The following FOXD4L6 variants were observed in gnomAD, a reference collection of about 807,000 sequenced individuals.
FOXD4L6 encodes forkhead box protein D4-like 6.
FOXD4L6 carries 1 observed loss-of-function variant against 12.9 expected under a neutral mutation model. That is an observed-to-expected ratio of 0.08 (90% confidence interval 0.03 to 0.37). The LOEUF is 0.37. FOXD4L6 is among the 10% of genes least tolerant of loss of function. The pLI is 0.99. For missense variants in FOXD4L6, 23 were observed against 369.9 expected (o/e 0.06, Z 7.69); for synonymous variants, 10 against 164.7 (o/e 0.06, Z 7.19).
chr9:41,127,542 GC>G, the FOXD4L6 span: 1 of 1,565,330 alleles, frequency 6.4e-7, no homozygotes. Flanking sequence ...TTTCTTCGGT[GC>G]CCCGGCATAG....
chr9:41,127,942 T>TG, the FOXD4L6 span: 31 of 627,996 alleles, frequency 4.9e-5, no homozygotes, highest in Admixed American at 1.1e-3. Context: ...GCGGGGAACT[T>TG]GCGGCGGTAG....
Position 41,126,956 on chromosome 9 carries a change from G to T in FOXD4L6, c.*174C>A. The T allele has an allele frequency of 6.5e-7, 1 of 1,528,402 alleles. No individual in the cohort carries two copies. Among genetic ancestry groups the T allele is most frequent in the East Asian group, 2.3e-5 (1 of 43,944 alleles). The allele number at this position is 1,528,402 out of a possible 1,614,324, so 94.7% of individuals were successfully genotyped here. ...ACACGCCCTGAATGGGCCGCGCAAG[G>T]TGAAGTGAGCAGCTGCGGGTCGCTC... On this transcript the variant is annotated 3_prime_UTR_variant, in exon 1 of 1. Coordinates refer to ENST00000622588, the MANE Select transcript of FOXD4L6 (RefSeq NM_001085476.4).
At chr9:41,128,078 ATCTTCAG>A in the FOXD4L6 span, 3 of 358,312 alleles carry the variant, frequency 8.4e-6, no homozygotes, top group African/African-American at 1.0e-4. Flanking sequence ...GCTGCCGGGC[ATCTTCAG>A]AGGCCGCCGC....
Position 41,126,854 on chromosome 9 carries a change from C to A in FOXD4L6, c.*276G>T, listed in dbSNP as rs1404257717. On this transcript the variant is annotated 3_prime_UTR_variant, in exon 1 of 1. Coordinates refer to ENST00000622588, the MANE Select transcript of FOXD4L6 (RefSeq NM_001085476.4). ...TACGTTCAGGTGGTTTTTAGAGGAA[C>A]GTAATCCAGCTGTTTCTTTCTAACC... 21 of 613,810 alleles carry A rather than the reference C, an allele frequency of 3.4e-5. No homozygotes were observed. The highest frequency in any genetic ancestry group is 2.4e-4 in the African/African-American group (12 of 51,028). 38.0% of individuals were successfully genotyped at this position (613,810 alleles called of 1,614,324 possible). A position where few individuals can be genotyped will look rare whatever the true frequency, so the allele number is the denominator to read the frequency against.
At chr9:41,127,553 G>GA in the FOXD4L6 span, 4 of 1,579,422 alleles carry the variant, frequency 2.5e-6, no homozygotes, top group African/African-American at 5.8e-5. Context: ...CCCCGGCATA[G>GA]ACGGGGGCCG....
At position 41,126,832 on chromosome 9, in the gene FOXD4L6, G is replaced by A. The variant is rs1470739566; in HGVS notation, c.*298C>T. 3.5e-6 allele frequency: 2 copies of A among 568,142 alleles called. No homozygotes were observed. Among genetic ancestry groups the A allele is most frequent in the Non-Finnish European group, 6.3e-6 (2 of 316,156 alleles). The allele number at this position is 568,142 out of a possible 1,614,324, so 35.2% of individuals were successfully genotyped here. On this transcript the variant is annotated 3_prime_UTR_variant, in exon 1 of 1. Transcript: ENST00000622588. ...TGACTTGACGCCCTGCGAAGGTTAC[G>A]TTCAGGTGGTTTTTAGAGGAACGTA...
Position 41,126,847 on chromosome 9 carries a change from A to T in FOXD4L6, c.*283T>A. 3 of 599,774 alleles carry T rather than the reference A, an allele frequency of 5.0e-6. No homozygotes were observed. The South Asian group carries it at 6.3e-5, about 13-fold the overall frequency. 37.2% of individuals were successfully genotyped at this position (599,774 alleles called of 1,614,324 possible). On this transcript the variant is annotated 3_prime_UTR_variant, in exon 1 of 1. Transcript: ENST00000622588. ...CGAAGGTTACGTTCAGGTGGTTTTTAGAGGAACGTAATCCAGCTGTTTCTT... is the reference window on the plus strand; with the variant it reads ...CGAAGGTTACGTTCAGGTGGTTTTTTGAGGAACGTAATCCAGCTGTTTCTT...
In FOXD4L6 at chr9:41,126,934, C is replaced by A. The variant is rs1248515313; in HGVS notation, c.*196G>T. On this transcript the variant is annotated 3_prime_UTR_variant, in exon 1 of 1. Transcript: ENST00000622588. ...CTCTCCAGCGGGATTCAGATGCACA[C>A]GCCCTGAATGGGCCGCGCAAGGTGA... 2 of 1,508,674 alleles carry A rather than the reference C, an allele frequency of 1.3e-6. No homozygotes were observed. The highest frequency in any genetic ancestry group is 1.4e-5 in the African/African-American group (1 of 71,004). 93.5% of individuals were successfully genotyped at this position (1,508,674 alleles called of 1,614,324 possible).
chr9:41,126,996 G>T lies in FOXD4L6; in HGVS notation c.*134C>A, dbSNP rs367749846. The T allele has an allele frequency of 1.2e-3, 1,867 of 1,515,398 alleles. 63 individuals are homozygous for T. The highest frequency in any genetic ancestry group is 5.3e-3 in the South Asian group (399 of 75,502). 93.9% of individuals were successfully genotyped at this position (1,515,398 alleles called of 1,614,324 possible). A position where few individuals can be genotyped will look rare whatever the true frequency, so the allele number is the denominator to read the frequency against. ...GCGGGTCGCTCCCCACTCCCACCTG[G>T]CTCTAGGAGGGCCCTGCGGAGTTGG... On this transcript the variant is annotated 3_prime_UTR_variant, in exon 1 of 1. Transcript: ENST00000622588.
Position 41,126,483 on chromosome 9 carries a change from C to T in FOXD4L6, c.*647G>A. 1 of 47,458 alleles carries T rather than the reference C, an allele frequency of 2.1e-5. No homozygotes were observed. The highest frequency in any genetic ancestry group is 4.7e-5 in the Non-Finnish European group (1 of 21,230). 2.9% of individuals were successfully genotyped at this position (47,458 alleles called of 1,614,324 possible). On this transcript the variant is annotated 3_prime_UTR_variant, in exon 1 of 1. Transcript: ENST00000622588. Reference sequence around the variant, plus strand: ...TCTATATAACTAGGCTTAATTTTAACACCTTAATTTTAACATTAAAGATGG... The same window carrying T: ...TCTATATAACTAGGCTTAATTTTAATACCTTAATTTTAACATTAAAGATGG...
At position 41,126,950 on chromosome 9, in the gene FOXD4L6, C is replaced by A. The variant is rs1824933095; in HGVS notation, c.*180G>T. The A allele has an allele frequency of 1.3e-6, 2 of 1,525,174 alleles. No individual in the cohort carries two copies. Among genetic ancestry groups the A allele is most frequent in the Non-Finnish European group, 1.8e-6 (2 of 1,139,742 alleles). 94.5% of individuals were successfully genotyped at this position (1,525,174 alleles called of 1,614,324 possible). On this transcript the variant is annotated 3_prime_UTR_variant, in exon 1 of 1. Coordinates refer to ENST00000622588, the MANE Select transcript of FOXD4L6 (RefSeq NM_001085476.4). ...AGATGCACACGCCCTGAATGGGCCG[C>A]GCAAGGTGAAGTGAGCAGCTGCGGG...
rs1429652608 is a variant in FOXD4L6 at position 41,126,951 on chromosome 9, G to A, written c.*179C>T. The stretch of plus-strand genomic sequence containing the variant: ...GATGCACACGCCCTGAATGGGCCGC[G>A]CAAGGTGAAGTGAGCAGCTGCGGGT... On this transcript the variant is annotated 3_prime_UTR_variant, in exon 1 of 1. Transcript: ENST00000622588. 1.3e-6 allele frequency: 2 copies of A among 1,524,898 alleles called. No individual in the cohort carries two copies. Among genetic ancestry groups the A allele is most frequent in the Non-Finnish European group, 1.8e-6 (2 of 1,139,676 alleles). 94.5% of individuals were successfully genotyped at this position (1,524,898 alleles called of 1,614,324 possible).
At position 41,127,284 on chromosome 9, in the gene FOXD4L6, G is replaced by A. The variant is rs1300813083; in HGVS notation, c.1100C>T (p.Pro367Leu). 2 of 1,606,096 alleles carry A rather than the reference G, an allele frequency of 1.2e-6. No homozygotes were observed. The highest frequency in any genetic ancestry group is 2.2e-5 in the South Asian group (2 of 90,746). The stretch of plus-strand genomic sequence containing the variant: ...CGGACACTTGCAGCAAAGGGGCAGC[G>A]GTCTGGGGATGCAACAGGCTTGATG... ...SDHQACCIPR[P>L]LPLCCKCPPP... The change falls in exon 1 of 1, where the codon CCG becomes CTG. Residue 367 changes from proline (P) to leucine (L), a missense_variant. Physicochemically the swap from Pro to Leu is moderately conservative, Grantham distance 98 (BLOSUM62 -3). Coordinates refer to ENST00000622588, the MANE Select transcript of FOXD4L6 (RefSeq NM_001085476.4).
In FOXD4L6 at chr9:41,126,878, C is replaced by G; in HGVS notation, c.*252G>C. 3 of 775,988 alleles carry G rather than the reference C, an allele frequency of 3.9e-6. No individual in the cohort carries two copies. The highest frequency in any genetic ancestry group is 6.4e-6 in the Non-Finnish European group (3 of 469,636). 48.1% of individuals were successfully genotyped at this position (775,988 alleles called of 1,614,324 possible). On this transcript the variant is annotated 3_prime_UTR_variant, in exon 1 of 1. Coordinates refer to ENST00000622588, the MANE Select transcript of FOXD4L6 (RefSeq NM_001085476.4). ...ACGTAATCCAGCTGTTTCTTTCTAACCATTTTGCAGCGAACAGAAGTTCGT... is the reference window on the plus strand; with the variant it reads ...ACGTAATCCAGCTGTTTCTTTCTAAGCATTTTGCAGCGAACAGAAGTTCGT...
chr9:41,126,966 C>A lies in FOXD4L6; in HGVS notation c.*164G>T, dbSNP rs888702760. The A allele has an allele frequency of 1.7e-5, 26 of 1,526,708 alleles. 3 individuals carry two copies. The South Asian group carries it at 2.3e-4, about 14-fold the overall frequency. 94.6% of individuals were successfully genotyped at this position (1,526,708 alleles called of 1,614,324 possible). ...AATGGGCCGCGCAAGGTGAAGTGAG[C>A]AGCTGCGGGTCGCTCCCCACTCCCA... On this transcript the variant is annotated 3_prime_UTR_variant, in exon 1 of 1. Coordinates refer to ENST00000622588, the MANE Select transcript of FOXD4L6 (RefSeq NM_001085476.4).
the FOXD4L6 span, chr9:41,127,569 AG>A: frequency 1.9e-6 from 3 of 1,577,830 alleles, no homozygotes; most frequent in Non-Finnish European, 2.6e-6. Flanking sequence ...GGCCGAGAGC[AG>A]TAGGTAGCGA....
Position 41,126,950 on chromosome 9 carries a change from C to T in FOXD4L6, c.*180G>A. Reference sequence around the variant, plus strand: ...AGATGCACACGCCCTGAATGGGCCGCGCAAGGTGAAGTGAGCAGCTGCGGG... The same window carrying T: ...AGATGCACACGCCCTGAATGGGCCGTGCAAGGTGAAGTGAGCAGCTGCGGG... On this transcript the variant is annotated 3_prime_UTR_variant, in exon 1 of 1. Transcript: ENST00000622588. The T allele has an allele frequency of 2.0e-6, 3 of 1,525,174 alleles. No homozygotes were observed. The South Asian group carries it at 3.9e-5, about 20-fold the overall frequency. The allele number at this position is 1,525,174 out of a possible 1,614,324, so 94.5% of individuals were successfully genotyped here. A position where few individuals can be genotyped will look rare whatever the true frequency, so the allele number is the denominator to read the frequency against.
Position 41,126,936 on chromosome 9 carries a change from C to T in FOXD4L6, c.*194G>A, listed in dbSNP as rs573270465. 12 of 1,514,314 alleles carry T rather than the reference C, an allele frequency of 7.9e-6. 1 individual carries two copies. The highest frequency in any genetic ancestry group is 1.1e-5 in the Non-Finnish European group (12 of 1,132,588). 93.8% of individuals were successfully genotyped at this position (1,514,314 alleles called of 1,614,324 possible). Reference sequence around the variant, plus strand: ...CTCCAGCGGGATTCAGATGCACACGCCCTGAATGGGCCGCGCAAGGTGAAG... The same window carrying T: ...CTCCAGCGGGATTCAGATGCACACGTCCTGAATGGGCCGCGCAAGGTGAAG... On this transcript the variant is annotated 3_prime_UTR_variant, in exon 1 of 1. Coordinates refer to ENST00000622588, the MANE Select transcript of FOXD4L6 (RefSeq NM_001085476.4).
chr9:41,126,890 G>C lies in FOXD4L6; in HGVS notation c.*240C>G, dbSNP rs534254723. 1.4e-4 allele frequency: 160 copies of C among 1,107,174 alleles called. 3 individuals are homozygous for C. Among genetic ancestry groups the C allele is most frequent in the Non-Finnish European group, 2.0e-4 (154 of 767,784 alleles). 68.6% of individuals were successfully genotyped at this position (1,107,174 alleles called of 1,614,324 possible). A position where few individuals can be genotyped will look rare whatever the true frequency, so the allele number is the denominator to read the frequency against. The stretch of plus-strand genomic sequence containing the variant: ...TGTTTCTTTCTAACCATTTTGCAGC[G>C]AACAGAAGTTCGTGTTTGCTCTCCA... On this transcript the variant is annotated 3_prime_UTR_variant, in exon 1 of 1. Transcript: ENST00000622588.
Sources: allele counts gnomAD v4.1 joint callset, GRCh38; gene constraint gnomAD v4.1.1; transcripts MANE v1.5; gene names NCBI Gene and HGNC (gene_info 2026-07-23, HGNC 2026-07-21).